PCDHGA1: variants seen among roughly 807,000 people sequenced by gnomAD.
PCDHGA1 encodes the protein protocadherin gamma-A1.
PCDHGA1 carries 32 observed loss-of-function variants against 58.0 expected under a neutral mutation model. The observed-to-expected ratio is 0.55, with a 90% CI of 0.42 to 0.74. The LOEUF is 0.74. Among genes scored for constraint, PCDHGA1 ranks in the 30% least tolerant of loss-of-function variants. The pLI is 0.00. For missense variants in PCDHGA1, 1,205 were observed against 1,182.3 expected, an observed-to-expected ratio of 1.02 and a Z score of -0.28; for synonymous variants, 498 against 501.1, an observed-to-expected ratio of 0.99 and a Z score of 0.08.
chr5:141,361,947 G>A (rs1762247949), intron 1 of PCDHGA1: 7 of 1,604,064 alleles, frequency 4.4e-6, no homozygotes, highest in Non-Finnish European at 5.9e-6. Context: ...ACGCTTGGCT[G>A]TCCTACCACG....
rs1189175823 is a variant in PCDHGA1 at position 141,422,087 on chromosome 5, G to T, written c.2422-72720G>T. 2 of 1,611,966 alleles carry T rather than the reference G, an allele frequency of 1.2e-6. No individual in the cohort carries two copies. ...ATGTATTCATTTCGGAACATGGAAA[G>T]CAAGGCTTCTGAAATATTCCAATTG... is the stretch of plus-strand genomic sequence containing the variant. On this transcript the variant is annotated intron_variant, in intron 1 of 3. Transcript: ENST00000517417.
At chr5:141,339,690 C>G in intron 1 of PCDHGA1, 1 of 1,614,216 alleles carries the variant, frequency 6.2e-7, no homozygotes, top group Non-Finnish European at 8.5e-7. Flanking sequence ...GACAATGCGC[C>G]TGTTTTTACA....
intron 1 of PCDHGA1, among the ~76,000 whole-genome samples, chr5:141,401,860 A>G (rs2094201565): frequency 6.6e-6 from 1 of 152,182 alleles, no homozygotes. Flanking sequence ...TTAACCTTTC[A>G]GTAGTTTTCT....
chr5:141,364,565 C>G, intron 1 of PCDHGA1: 1 of 1,614,114 alleles, frequency 6.2e-7, no homozygotes. Context: ...TGCCCTGAAC[C>G]CGCGAAGCGG....
Position 141,333,089 on chromosome 5 carries a change from A to G in PCDHGA1, c.2405A>G (p.Lys802Arg). ...CCCCAGTCTTTACTTGAAGACAAAA[A>G]GGAACCATTTTCTCAGGTAAACTTT... ...SAPQSLLEDKKEPFSQQAPPN... is the reference protein window; with the variant it reads ...SAPQSLLEDKREPFSQQAPPN... The change falls in exon 1 of 4, where the codon AAG becomes AGG. Residue 802 changes from lysine to arginine, a missense_variant. Transcript: ENST00000517417. The G allele has an allele frequency of 1.9e-6, 3 of 1,614,218 alleles. No homozygotes were observed. The highest frequency in any genetic ancestry group is 2.5e-6 in the Non-Finnish European group (3 of 1,180,040).
At chr5:141,427,550 C>T (rs1310933864) in intron 1 of PCDHGA1, 1 of 643,730 alleles carries the variant, frequency 1.6e-6, no homozygotes, top group East Asian at 3.2e-5. Context: ...CCATCACTGC[C>T]ACTGACAAGG....
rs2099427641 is a variant in PCDHGA1, at chr5:141,477,974, G to T, written c.2422-16833G>T. The T allele has an allele frequency of 1.2e-6, 2 of 1,614,034 alleles. No homozygotes were observed. The highest frequency in any genetic ancestry group is 1.6e-4 in the Middle Eastern group (1 of 6,062). On this transcript the variant is annotated intron_variant, in intron 1 of 3. Transcript: ENST00000517417. This position sits in a 1 kb window ranked among gnomAD's most constrained non-coding sequence, Gnocchi z 4.9. ...GGGATCCCCTAACCAGAGCCTTTTT[G>T]CCATAGGGCTGCACACTGGTCAAAT...
intron 1 of PCDHGA1, among the ~76,000 whole-genome samples, chr5:141,463,191 C>T (rs2099054821): frequency 6.6e-6 from 1 of 152,100 alleles, no homozygotes; most frequent in Non-Finnish European, 1.5e-5. Flanking sequence ...TATTATTTAG[C>T]CAAAGACTTG....
chr5:141,415,247 C>G, intron 1 of PCDHGA1: 1 of 1,614,210 alleles, frequency 6.2e-7, no homozygotes. Context: ...TCTGAAACCT[C>G]AGACCTCACT....
At chr5:141,385,302 A>G in intron 1 of PCDHGA1, 1 of 1,613,202 alleles carries the variant, frequency 6.2e-7, no homozygotes, top group Admixed American at 1.7e-5. Flanking sequence ...AGGAATGTAA[A>G]GAAAACCTGC....
At position 141,346,355 on chromosome 5, in the gene PCDHGA1, C is replaced by T. The variant is rs754690166; in HGVS notation, c.2421+13250C>T. 4.3e-6 allele frequency: 7 copies of T among 1,614,258 alleles called. No individual in the cohort carries two copies. In the South Asian group the frequency reaches 6.6e-5, roughly 15 times the overall value. The stretch of plus-strand genomic sequence containing the variant: ...GCCACCTGATTTTCCCCCAGCCCAA[C>T]TATGCGGACACGCTCATCAGCCAGG... On this transcript the variant is annotated intron_variant, in intron 1 of 3. Transcript: ENST00000517417.
chr5:141,390,042 G>A, intron 1 of PCDHGA1: 1 of 1,614,034 alleles, frequency 6.2e-7, no homozygotes, highest in Non-Finnish European at 8.5e-7. Flanking sequence ...CTCCAGCCCC[G>A]CCTCCTGGAG....
intron 1 of PCDHGA1, chr5:141,410,156 C>T: frequency 6.2e-7 from 1 of 1,613,514 alleles, no homozygotes; most frequent in Non-Finnish European, 8.5e-7. Context: ...CGGTGGACAG[C>T]CGCCACTCTC....
At chr5:141,336,217 G>A (rs945785870) in intron 1 of PCDHGA1, among the ~76,000 whole-genome samples, 1 of 152,014 alleles carries the variant, frequency 6.6e-6, no homozygotes, top group African/African-American at 2.4e-5. Flanking sequence ...CAAGTCTAAC[G>A]TTAGGACTCA....
rs771647688 is a variant in PCDHGA1 at position 141,399,795 on chromosome 5, G to A, written c.2421+66690G>A. 10 of 1,613,202 alleles carry A rather than the reference G, an allele frequency of 6.2e-6. No individual in the cohort carries two copies. In the South Asian group the frequency reaches 8.8e-5, roughly 14 times the overall value. On this transcript the variant is annotated intron_variant, in intron 1 of 3. Transcript: ENST00000517417. ...TGGGCGACCGAAACGACAACGCACC[G>A]CGGGTGCTGTACCCCGCGCTGGGTC...
At chr5:141,371,156 C>T in intron 1 of PCDHGA1, 1 of 1,614,020 alleles carries the variant, frequency 6.2e-7, no homozygotes, top group Non-Finnish European at 8.5e-7. Context: ...TTGCAGAGAA[C>T]CTGCCCGCTG....
chr5:141,457,949 C>G (rs2098933653), intron 1 of PCDHGA1, among the ~76,000 whole-genome samples: 1 of 152,192 alleles, frequency 6.6e-6, no homozygotes. Flanking sequence ...CTCTGCATGT[C>G]AAGCTTGATT....
At chr5:141,366,209 C>A (rs371864119) in intron 1 of PCDHGA1, 11 of 1,613,698 alleles carry the variant, frequency 6.8e-6, no homozygotes, top group African/African-American at 1.3e-5. Flanking sequence ...GGGCGAGGTG[C>A]GCACAGCGCG....
At chr5:141,388,858 T>C (rs1217000654) in intron 1 of PCDHGA1, 1 of 1,613,984 alleles carries the variant, frequency 6.2e-7, no homozygotes, top group Non-Finnish European at 8.5e-7. Context: ...GGTGGAGGAA[T>C]GATTGCGCAA....
Sources: allele counts gnomAD v4.1 joint callset (sites outside exome capture counted in the v4.1 genomes callset), GRCh38; gene constraint gnomAD v4.1.1; non-coding constraint Gnocchi (gnomAD v3.1); transcripts MANE v1.5; gene names NCBI Gene and HGNC (gene_info 2026-07-23, HGNC 2026-07-21).